GPR174: variants seen among roughly 807,000 people sequenced by gnomAD.
GPR174 encodes the protein probable G protein-coupled receptor 174.
GPR174 carries 8 observed loss-of-function variants against 16.5 expected under a neutral mutation model. The ratio of observed to expected loss-of-function variants is 0.48; its 90% confidence interval spans 0.28 to 0.87. The LOEUF (loss-of-function observed/expected upper bound fraction) is 0.87. GPR174 is among the 40% of genes least tolerant of loss of function. The pLI is 0.09. For synonymous variants in GPR174, 111 were observed against 94.8 expected (o/e 1.17, Z -0.99); for missense variants, 214 against 247.5 (o/e 0.86, Z 0.91).
At chrX:79,152,839 T>C (rs974010213) in intron 1 of GPR174, among the ~76,000 whole-genome samples, 1 of 112,040 alleles carries the variant, frequency 8.9e-6, no homozygotes, top group African/African-American at 3.2e-5. Context: ...ATGCAGATAC[T>C]GAACAGGTAC....
At chrX:79,151,611 G>T (rs745807040) in intron 1 of GPR174, among the ~76,000 whole-genome samples, 1 of 111,765 alleles carries the variant, frequency 8.9e-6, no homozygotes, top group Non-Finnish European at 1.9e-5. Flanking sequence ...GTTGGTAATA[G>T]AAGAAGTCAA....
chrX:79,156,319 T>C (rs762968150), intron 1 of GPR174, among the ~76,000 whole-genome samples: 1 of 112,331 alleles, frequency 8.9e-6, no homozygotes, highest in African/African-American at 3.2e-5. Flanking sequence ...CAGCTTTGTG[T>C]AGAAATTAAT....
chrX:79,162,759 GACAACTATCTAT>G (rs772855396), intron 2 of GPR174, among the ~76,000 whole-genome samples: 1 of 111,755 alleles, frequency 8.9e-6, no homozygotes, highest in East Asian at 2.8e-4. Context: ...TGGTTGTGTA[GACAACTATCTAT>G]ACCATCAAAG....
At chrX:79,146,690 G>A (rs751115996) in intron 1 of GPR174, among the ~76,000 whole-genome samples, 4 of 111,930 alleles carry the variant, frequency 3.6e-5, no homozygotes, top group African/African-American at 9.7e-5. Context: ...AGATTAATAC[G>A]ATGCTGAATA....
At position 79,144,827 on chromosome X, in the gene GPR174, A is replaced by G. The variant is rs1196694980; in HGVS notation, c.-1044A>G. ...ATAATTTTTCTTTTGGCTTTCTTTT[A>G]TTTTGTATTATTTTTACTTTTATTT... is the stretch of plus-strand genomic sequence containing the variant. On this transcript the variant is annotated 5_prime_UTR_variant, in exon 1 of 3. Transcript: ENST00000645147. The G allele has an allele frequency of 9.3e-6, 1 of 107,539 alleles. No individual in the cohort carries two copies. Among genetic ancestry groups the G allele is most frequent in the South Asian group, 4.0e-4 (1 of 2,492 alleles). 8.9% of individuals were successfully genotyped at this position (107,539 alleles called of 1,213,427 possible).
chrX:79,147,543 G>A (rs1380843650), intron 1 of GPR174, among the ~76,000 whole-genome samples: 1 of 102,456 alleles, frequency 9.8e-6, no homozygotes, highest in African/African-American at 3.6e-5. Flanking sequence ...ACTGATACTA[G>A]ATGCTGTAAT....
intron 2 of GPR174, among the ~76,000 whole-genome samples, chrX:79,166,430 T>TAC (rs1921366454): frequency 1.2e-5 from 1 of 80,820 alleles, no homozygotes; most frequent in Non-Finnish European, 2.3e-5. Context: ...CTTTTCTTTT[T>TAC]TCTTTTTTTT....
chrX:79,150,002 T>G lies in GPR174; in HGVS notation c.-654+4785T>G, dbSNP rs1297010438. Among the ~76,000 whole-genome samples, 27 of 111,382 alleles carry G rather than the reference T, an allele frequency of 2.4e-4. No homozygotes were observed. The Admixed American group carries it at 2.6e-3, about 11-fold the overall frequency. ...AAGTTACAGTTTTAAGAATTTTACA[T>G]TAAGAAATATTATCTTTGTGTCTGT... On this transcript the variant is annotated intron_variant, in intron 1 of 2. Transcript: ENST00000645147.
chrX:79,155,801 T>C (rs538516959), intron 1 of GPR174, among the ~76,000 whole-genome samples: 3 of 112,072 alleles, frequency 2.7e-5, no homozygotes, highest in African/African-American at 9.7e-5. Flanking sequence ...ATAAAAATCA[T>C]CGTGTTAAAA....
chrX:79,153,554 A>G (rs1921028016), intron 1 of GPR174, among the ~76,000 whole-genome samples: 1 of 111,622 alleles, frequency 9.0e-6, no homozygotes, highest in African/African-American at 3.3e-5. Flanking sequence ...GAGATGGGGA[A>G]CGGACAGGAA....
rs1256035945 is a variant in GPR174 at position 79,174,843 on chromosome X, A to G, written c.*2834A>G. 9.0e-6 allele frequency: 1 copy of G among 111,242 alleles called. No individual in the cohort carries two copies. Among genetic ancestry groups the G allele is most frequent in the Non-Finnish European group, 1.9e-5 (1 of 53,058 alleles). 9.2% of individuals were successfully genotyped at this position (111,242 alleles called of 1,213,427 possible). A position where few individuals can be genotyped will look rare whatever the true frequency, so the allele number is the denominator to read the frequency against. ...CATGGCTTATCCAGACTTCTCATTT[A>G]TCACTCTCTGGGTTCTATGAAATTG... is the stretch of plus-strand genomic sequence containing the variant. On this transcript the variant is annotated 3_prime_UTR_variant, in exon 3 of 3. Transcript: ENST00000645147.
intron 1 of GPR174, among the ~76,000 whole-genome samples, chrX:79,149,821 G>GTTTTTTT (rs34575264): frequency 1.2e-5 from 1 of 82,177 alleles, no homozygotes; most frequent in Non-Finnish European, 2.3e-5. Flanking sequence ...ACCTCCCTCA[G>GTTTTTTT]TTTTTTTTTT....
At chrX:79,145,625 A>G (rs1926484360) in intron 1 of GPR174, among the ~76,000 whole-genome samples, 1 of 111,674 alleles carries the variant, frequency 9.0e-6, no homozygotes, top group African/African-American at 3.3e-5. Flanking sequence ...TGCTATTTTT[A>G]TCTGCTGCAT....
chrX:79,173,316 T>C lies in GPR174; in HGVS notation c.*1307T>C, dbSNP rs1057260213. On this transcript the variant is annotated 3_prime_UTR_variant, in exon 3 of 3. Transcript: ENST00000645147. ...AATTTGGTCAGCCTTTGGCAACCAATGGCCAATGACTTGCCTACTACCTGT... is the reference window on the plus strand; with the variant it reads ...AATTTGGTCAGCCTTTGGCAACCAACGGCCAATGACTTGCCTACTACCTGT... 8.9e-6 allele frequency: 1 copy of C among 112,067 alleles called. No individual in the cohort carries two copies. Among genetic ancestry groups the C allele is most frequent in the African/African-American group, 3.2e-5 (1 of 30,813 alleles). 9.2% of individuals were successfully genotyped at this position (112,067 alleles called of 1,213,427 possible).
chrX:79,162,784 A>G (rs1921266785), intron 2 of GPR174, among the ~76,000 whole-genome samples: 1 of 111,934 alleles, frequency 8.9e-6, no homozygotes, highest in Non-Finnish European at 1.9e-5. Flanking sequence ...CATCAAAGAG[A>G]TTGAACCATA....
At chrX:79,152,428 A>G (rs1374400728) in intron 1 of GPR174, among the ~76,000 whole-genome samples, 2 of 111,664 alleles carry the variant, frequency 1.8e-5, no homozygotes, top group Admixed American at 1.9e-4. Flanking sequence ...CTAATCGCAT[A>G]CTTAAGTTCA....
intron 2 of GPR174, among the ~76,000 whole-genome samples, chrX:79,168,119 G>A (rs914139330): frequency 8.9e-6 from 1 of 112,043 alleles, no homozygotes; most frequent in Non-Finnish European, 1.9e-5. Flanking sequence ...GAATTAGGAA[G>A]AAATTGTTCT....
chrX:79,149,821 GTTTTTTT>G (rs34575264), intron 1 of GPR174, among the ~76,000 whole-genome samples: 1 of 82,177 alleles, frequency 1.2e-5, no homozygotes, highest in Non-Finnish European at 2.3e-5. Flanking sequence ...ACCTCCCTCA[GTTTTTTT>G]TTTTTTTTTT....
chrX:79,165,764 G>A (rs1018847626), intron 2 of GPR174, among the ~76,000 whole-genome samples: 1 of 110,598 alleles, frequency 9.0e-6, no homozygotes, highest in Admixed American at 9.6e-5. Context: ...CTTTTCACAG[G>A]CTATTAATCG....
Sources: allele counts gnomAD v4.1 joint callset (sites outside exome capture counted in the v4.1 genomes callset), GRCh38; gene constraint gnomAD v4.1.1; transcripts MANE v1.5; gene names NCBI Gene and HGNC (gene_info 2026-07-23, HGNC 2026-07-21).